LYST: variants seen among roughly 807,000 people sequenced by gnomAD.
The protein encoded by LYST is lysosomal-trafficking regulator.
Under a neutral mutation model 413.6 loss-of-function variants are expected in LYST, and 192 were observed. The ratio of observed to expected loss-of-function variants is 0.46; its 90% CI spans 0.41 to 0.52. The LOEUF (loss-of-function observed/expected upper bound fraction) is 0.52, where lower values mean the gene tolerates loss of function less well. LYST is among the 20% of genes least tolerant of loss of function. The pLI is 0.00. For missense variants in LYST, 3,815 were observed against 4,499.9 expected (o/e 0.85, Z 4.35); for synonymous variants, 1,525 against 1,567.3 (o/e 0.97, Z 0.64).
chr1:235,762,091 T>G (rs1478467412), intron 22 of LYST, among the ~76,000 whole-genome samples: 2 of 151,782 alleles, frequency 1.3e-5, no homozygotes, highest in Admixed American at 6.6e-5. Flanking sequence ...ACCGGCACAT[T>G]GTGCACATGT....
intron 45 of LYST, among the ~76,000 whole-genome samples, chr1:235,700,536 T>C (rs1661465131): frequency 6.6e-6 from 1 of 152,228 alleles, no homozygotes; most frequent in African/African-American, 2.4e-5. Context: ...CACACAAGCA[T>C]ACCTGGGTCA....
At chr1:235,845,965 T>C (rs998966905) in intron 1 of LYST, among the ~76,000 whole-genome samples, 3 of 151,548 alleles carry the variant, frequency 2.0e-5, no homozygotes, top group Non-Finnish European at 2.9e-5. Context: ...GCCCACCGCA[T>C]ATCTTTCTCT....
intron 50 of LYST, 77 bp downstream of exon 50, chr1:235,677,014 G>A (rs1057347308): frequency 4.8e-5 from 48 of 992,098 alleles, no homozygotes; most frequent in Middle Eastern, 2.1e-4. Flanking sequence ...AGAATGGCTC[G>A]ACCTAGGAGT....
In LYST at chr1:235,806,160, C is replaced by T. The variant is rs772546837; in HGVS notation, c.2976G>A (p.Lys992=). The change falls in exon 6 of 53, where the codon AAG becomes AAA. Residue 992 remains lysine (K), a synonymous_variant. Transcript: ENST00000389793. ...YRLGGFRVCH[K]LIFMIIQKLF... ...GTTTCTGTATTATCATAAATATTAA[C>T]TTATGGCATACTCGGAAACCACCAA... 3.7e-6 allele frequency: 6 copies of T among 1,613,704 alleles called. No individual in the cohort carries two copies. The highest frequency in any genetic ancestry group is 5.1e-6 in the Non-Finnish European group (6 of 1,179,968).
intron 1 of LYST, among the ~76,000 whole-genome samples, chr1:235,872,209 T>C (rs112839638): frequency 2.5e-4 from 38 of 149,794 alleles, no homozygotes; most frequent in Admixed American, 6.7e-5. Context: ...AGCAGGAGAA[T>C]TGCTTGAACC....
Position 235,664,077 on chromosome 1 carries a change from T to C in LYST, c.11196-22A>G, listed in dbSNP as rs372298460. The C allele has an allele frequency of 3.8e-6, 6 of 1,563,836 alleles. No homozygotes were observed. The highest frequency in any genetic ancestry group is 5.3e-6 in the Non-Finnish European group (6 of 1,134,506). ...TAACCTAGAGGGGAAAAAAATCATC[T>C]AATTATGCAAACTAAAATTACTCTC... is the stretch of plus-strand genomic sequence containing the variant. On this transcript the variant is annotated intron_variant, in intron 51 of 52. Transcript: ENST00000389793. The surrounding 1 kb of genome is among the most constrained non-coding windows in gnomAD (Gnocchi z 4.5).
At position 235,806,389 on chromosome 1, in the gene LYST, T is replaced by TCGG. The variant is rs766885431; in HGVS notation, c.2746_2747insCCG (p.Ser915_Asp916insAla). 6.9e-5 allele frequency: 112 copies of TCGG among 1,613,928 alleles called. No individual in the cohort carries two copies. The highest frequency in any genetic ancestry group is 9.5e-5 in the Non-Finnish European group (112 of 1,180,000). On this transcript the variant is annotated inframe_insertion, in exon 6 of 53. Coordinates refer to ENST00000389793, the MANE Select transcript of LYST (RefSeq NM_000081.4). ...TTCTGAGTCATTGGCCGACTCCCTG[T>TCGG]CAGACTCTGCTTCTTTACTTACGCA...
At chr1:235,675,349 T>C (rs985631975) in intron 50 of LYST, among the ~76,000 whole-genome samples, 1 of 152,170 alleles carries the variant, frequency 6.6e-6, no homozygotes, top group Non-Finnish European at 1.5e-5. Context: ...TCTTAGCCAA[T>C]TGAGTTAGTT....
chr1:235,810,722 C>T (rs1280182831), intron 4 of LYST, among the ~76,000 whole-genome samples, 188 bp from the exon 5 acceptor site: 1 of 152,192 alleles, frequency 6.6e-6, no homozygotes, highest in African/African-American at 2.4e-5. Flanking sequence ...TATCCTTACT[C>T]TAAACACTAG....
At position 235,809,274 on chromosome 1, in the gene LYST, T is replaced by A. The variant is rs773543279; in HGVS notation, c.1544A>T (p.Asp515Val). Reference sequence around the variant, plus strand: ...AGCCGAAACCAGAAGACCTGAGAGATCTCGGTGATGATGCATAAAATGAGA... The same window carrying A: ...AGCCGAAACCAGAAGACCTGAGAGAACTCGGTGATGATGCATAAAATGAGA... ...EYSHFMHHHR[D>V]LSGLLVSAFK... is the part of the protein sequence containing the mutation. Residue 515 changes from aspartate (D) to valine (V), a missense_variant, in exon 5 of 53, where the codon GAT becomes GTT. Physicochemically the swap from Asp to Val is radical, Grantham distance 152. Coordinates refer to ENST00000389793, the MANE Select transcript of LYST (RefSeq NM_000081.4). The surrounding 1 kb of genome is among the most constrained non-coding windows in gnomAD (Gnocchi z 4.0). 6.2e-7 allele frequency: 1 copy of A among 1,614,088 alleles called. No homozygotes were observed. Among genetic ancestry groups the A allele is most frequent in the Non-Finnish European group, 8.5e-7 (1 of 1,179,982 alleles).
At chr1:235,706,184 T>C (rs1050595987) in intron 44 of LYST, among the ~76,000 whole-genome samples, 1 of 152,196 alleles carries the variant, frequency 6.6e-6, no homozygotes, top group Non-Finnish European at 1.5e-5. Context: ...TGATGGAGTT[T>C]AGGACACACA....
Position 235,751,230 on chromosome 1 carries a change from T to C in LYST, c.7760A>G (p.Gln2587Arg). The change falls in exon 28 of 53, where the codon CAA becomes CGA. Residue 2587 changes from glutamine to arginine, a missense_variant. Physicochemically the swap from Gln to Arg is conservative, Grantham distance 43. Transcript: ENST00000389793. The part of the protein sequence containing the change: ...SPSAPHHAVV[Q>R]KRKSIAGPRK... Reference sequence around the variant, plus strand: ...CTCGCCAGCAATGCTTTTCCGCTTTTGAACTACTGCATGATGGGGAGCAGA... The same window carrying C: ...CTCGCCAGCAATGCTTTTCCGCTTTCGAACTACTGCATGATGGGGAGCAGA... 6.2e-7 allele frequency: 1 copy of C among 1,613,890 alleles called. No individual in the cohort carries two copies.
intron 26 of LYST, among the ~76,000 whole-genome samples, chr1:235,752,551 T>G (rs1666603034): frequency 6.6e-6 from 1 of 152,114 alleles, no homozygotes; most frequent in Non-Finnish European, 1.5e-5. Flanking sequence ...AACAGGAACA[T>G]TCTGCGAAGA....
chr1:235,803,570 T>A (rs1672479870), intron 7 of LYST, among the ~76,000 whole-genome samples: 1 of 152,098 alleles, frequency 6.6e-6, no homozygotes, highest in South Asian at 2.1e-4. Context: ...ATCTCAGAAG[T>A]CAAGAGTTCC....
At chr1:235,764,669 T>A (rs1485631206) in intron 21 of LYST, among the ~76,000 whole-genome samples, 2 of 151,710 alleles carry the variant, frequency 1.3e-5, no homozygotes, top group Non-Finnish European at 2.9e-5. Context: ...CAGGCTAATT[T>A]TTTTTTTATT....
upstream of LYST, among the ~76,000 whole-genome samples, chr1:235,869,852 A>G (rs529873388): frequency 4.9e-4 from 75 of 152,204 alleles, 1 homozygote; most frequent in South Asian, 0.013. Context: ...CACTACCTAC[A>G]TACCTGCTTC....
intron 2 of LYST, 54 bp from the exon 3 acceptor site, chr1:235,830,478 C>G: frequency 7.5e-7 from 1 of 1,335,284 alleles, no homozygotes; most frequent in Non-Finnish European, 1.0e-6. Context: ...TACAAATTTA[C>G]TTTTAAAACT....
At chr1:235,798,359 T>C (rs1405184463) in intron 10 of LYST, among the ~76,000 whole-genome samples, 1 of 151,282 alleles carries the variant, frequency 6.6e-6, no homozygotes, top group African/African-American at 2.4e-5. Context: ...TCATAAAAAA[T>C]TAGATGTTAA....
chr1:235,728,752 T>A (rs1275303221), intron 37 of LYST, among the ~76,000 whole-genome samples: 1 of 152,170 alleles, frequency 6.6e-6, no homozygotes, highest in African/African-American at 2.4e-5. Context: ...AGTGAAGTAG[T>A]GGCATGGCTA....
Sources: gnomAD v4.1 joint callset for allele counts (sites outside exome capture counted in the v4.1 genomes callset) on GRCh38, gnomAD v4.1.1 for gene constraint, Gnocchi (gnomAD v3.1) non-coding constraint, MANE v1.5 for transcripts, NCBI Gene and HGNC (gene_info 2026-07-23, HGNC 2026-07-21) for gene names.